The following ZC3H12B variants were observed in gnomAD, a reference collection of about 807,000 sequenced individuals.
ZC3H12B encodes probable ribonuclease ZC3H12B.
ZC3H12B carries 7 observed loss-of-function variants against 43.9 expected under a neutral mutation model. That is an observed-to-expected ratio of 0.16 (90% CI 0.09 to 0.30). The LOEUF (loss-of-function observed/expected upper bound fraction) is 0.30. ZC3H12B is among the 10% of genes least tolerant of loss of function. ZC3H12B has a pLI of 1.00. For synonymous variants in ZC3H12B, 222 were observed against 241.7 expected, an observed-to-expected ratio of 0.92 and a Z score of 0.76; for missense variants, 475 against 670.2, an observed-to-expected ratio of 0.71 and a Z score of 3.22.
chrX:65,438,285 T>C (rs1445569586), intron 3 of ZC3H12B, among the ~76,000 whole-genome samples: 1 of 112,045 alleles, frequency 8.9e-6, no homozygotes. Context: ...TTGATAGGGA[T>C]TGCATTGAAT....
the ZC3H12B span, among the ~76,000 whole-genome samples, chrX:65,256,752 T>C: frequency 8.9e-6 from 1 of 111,933 alleles, no homozygotes; most frequent in East Asian, 2.8e-4. Context: ...ATCCAGACGT[T>C]GGTTTGTTGA....
At chrX:65,113,427 G>A in the ZC3H12B span, among the ~76,000 whole-genome samples, 2 of 110,996 alleles carry the variant, frequency 1.8e-5, no homozygotes. Flanking sequence ...GGCAAGGTGT[G>A]TGGGCTCATG....
the ZC3H12B span, among the ~76,000 whole-genome samples, chrX:65,105,686 C>A: frequency 9.0e-6 from 1 of 111,691 alleles, no homozygotes; most frequent in Non-Finnish European, 1.9e-5. Flanking sequence ...AACAGGTACC[C>A]TGCCTTGGAG....
upstream of ZC3H12B, among the ~76,000 whole-genome samples, chrX:65,485,844 C>G (rs1216165866): frequency 8.9e-6 from 1 of 111,872 alleles, no homozygotes; most frequent in African/African-American, 3.2e-5. Flanking sequence ...TGCTTAATCA[C>G]TTAGCCAGTT....
At chrX:65,154,080 TG>T in the ZC3H12B span, among the ~76,000 whole-genome samples, 1 of 109,495 alleles carries the variant, frequency 9.1e-6, no homozygotes, top group Non-Finnish European at 1.9e-5. Context: ...GGGACTGTTG[TG>T]GGGTGGGAGG....
chrX:65,256,080 T>C, the ZC3H12B span, among the ~76,000 whole-genome samples: 1 of 111,791 alleles, frequency 8.9e-6, no homozygotes, highest in African/African-American at 3.3e-5. Context: ...AACCACACAA[T>C]AATAGCAGGA....
the ZC3H12B span, among the ~76,000 whole-genome samples, chrX:65,223,474 G>A: frequency 2.7e-5 from 3 of 112,240 alleles, no homozygotes; most frequent in Non-Finnish European, 3.8e-5. Context: ...AAATAGATGG[G>A]ACTTAATTAA....
At chrX:65,159,596 A>G in the ZC3H12B span, among the ~76,000 whole-genome samples, 1 of 111,783 alleles carries the variant, frequency 8.9e-6, no homozygotes, top group African/African-American at 3.2e-5. Context: ...TGCTTGTGAT[A>G]TATGTACATT....
At chrX:65,218,617 C>A in the ZC3H12B span, among the ~76,000 whole-genome samples, 38 of 110,578 alleles carry the variant, frequency 3.4e-4, no homozygotes, top group African/African-American at 1.2e-3. Context: ...AACATAACTT[C>A]ATTGCCCCAG....
chrX:65,384,286 G>A (rs1479968934), intron 2 of ZC3H12B, among the ~76,000 whole-genome samples: 15 of 107,465 alleles, frequency 1.4e-4, no homozygotes, highest in East Asian at 2.9e-4. Flanking sequence ...ACCAAACACC[G>A]CATATTCTCA....
the ZC3H12B span, among the ~76,000 whole-genome samples, chrX:65,318,909 G>C: frequency 2.0e-3 from 226 of 111,050 alleles, 1 homozygote; most frequent in African/African-American, 7.0e-3. Flanking sequence ...CAGAATCTCT[G>C]GGACACAGCT....
chrX:65,153,128 C>T, the ZC3H12B span, among the ~76,000 whole-genome samples: 5 of 112,062 alleles, frequency 4.5e-5, no homozygotes, highest in East Asian at 1.4e-3. Flanking sequence ...ACCATAAAAA[C>T]CCTAGAAGAA....
At chrX:65,473,501 T>C (rs770173571) in intron 3 of ZC3H12B, among the ~76,000 whole-genome samples, 33 of 112,367 alleles carry the variant, frequency 2.9e-4, no homozygotes, top group African/African-American at 5.8e-4. Context: ...TTGGGTAGTA[T>C]GGACATTTTA....
the ZC3H12B span, among the ~76,000 whole-genome samples, chrX:65,347,907 T>TA: frequency 1.8e-5 from 2 of 111,885 alleles, no homozygotes; most frequent in African/African-American, 3.2e-5. Flanking sequence ...CATGCAGCCA[T>TA]AAAAAAACGA....
the ZC3H12B span, among the ~76,000 whole-genome samples, chrX:65,296,108 T>A: frequency 8.9e-6 from 1 of 112,126 alleles, no homozygotes; most frequent in Non-Finnish European, 1.9e-5. Context: ...GGGAGCCAAC[T>A]CTATTGCCCA....
intron 3 of ZC3H12B, among the ~76,000 whole-genome samples, chrX:65,415,512 T>A (rs1434158109): frequency 8.9e-6 from 1 of 112,500 alleles, no homozygotes; most frequent in East Asian, 2.8e-4. Context: ...TGTGTCTTAT[T>A]GCTACAAACA....
At chrX:65,173,727 T>C in the ZC3H12B span, among the ~76,000 whole-genome samples, 1 of 112,016 alleles carries the variant, frequency 8.9e-6, no homozygotes. Flanking sequence ...ATTACATTTA[T>C]TGATTTTTGT....
intron 2 of ZC3H12B, among the ~76,000 whole-genome samples, chrX:65,391,753 G>A (rs887338187): frequency 7.2e-5 from 8 of 110,452 alleles, no homozygotes; most frequent in South Asian, 3.8e-4. Flanking sequence ...CCCTCCTCCC[G>A]CTTTCCATGG....
At chrX:65,076,734 A>G in the ZC3H12B span, among the ~76,000 whole-genome samples, 1 of 110,086 alleles carries the variant, frequency 9.1e-6, no homozygotes, top group Non-Finnish European at 1.9e-5. Flanking sequence ...TTTTAATTTT[A>G]TAATTTACAT....
Sources: gnomAD v4.1 joint callset for allele counts (sites outside exome capture counted in the v4.1 genomes callset) on GRCh38, gnomAD v4.1.1 for gene constraint, MANE v1.5 for transcripts, NCBI Gene and HGNC (gene_info 2026-07-23, HGNC 2026-07-21) for gene names.